ABAT: variants seen among roughly 807,000 people sequenced by gnomAD.
ABAT encodes the protein 4-aminobutyrate aminotransferase, mitochondrial.
ABAT carries 45 observed loss-of-function variants against 64.6 expected under a neutral mutation model. The ratio of observed to expected loss-of-function variants is 0.70; its 90% confidence interval spans 0.55 to 0.89. The LOEUF (loss-of-function observed/expected upper bound fraction) is 0.89, where lower values mean the gene tolerates loss of function less well. ABAT is among the 40% of genes least tolerant of loss of function. The pLI is 0.00. For missense variants in ABAT, 633 were observed against 658.4 expected (o/e 0.96, Z 0.42); for synonymous variants, 297 against 250.5 (o/e 1.19, Z -1.75).
intron 1 of ABAT, among the ~76,000 whole-genome samples, chr16:8,681,248 C>T (rs1337571206): frequency 6.6e-6 from 1 of 152,052 alleles, no homozygotes; most frequent in Non-Finnish European, 1.5e-5. Context: ...ACCTCGGCCT[C>T]CCAAAGTGCT....
intron 5 of ABAT, among the ~76,000 whole-genome samples, chr16:8,752,340 CT>C (rs1415485042): frequency 2.6e-5 from 4 of 152,168 alleles, no homozygotes; most frequent in Non-Finnish European, 5.9e-5. Flanking sequence ...GGTTCAAATC[CT>C]GGCTCTACTA....
At chr16:8,738,032 G>GAAAGAAAGACA (rs1567295886) in intron 2 of ABAT, among the ~76,000 whole-genome samples, 1 of 78,348 alleles carries the variant, frequency 1.3e-5, no homozygotes. Flanking sequence ...AAAGAAAGAA[G>GAAAGAAAGACA]GACAGACAGA....
intron 9 of ABAT, 118 bp downstream of exon 9, chr16:8,766,388 C>G (rs1000282466): frequency 1.0e-6 from 1 of 964,590 alleles, no homozygotes; most frequent in East Asian, 2.7e-5. Context: ...GGCGCGGTGG[C>G]TCATGCCTGT....
Position 8,733,008 on chromosome 16 carries a change from G to A in ABAT, c.-41-2691G>A, listed in dbSNP as rs1393812939. Among the ~76,000 whole-genome samples the A allele has an allele frequency of 2.0e-5, 3 of 149,704 alleles. 1 individual carries two copies. The South Asian group carries it at 6.2e-4, about 31-fold the overall frequency. The stretch of plus-strand genomic sequence containing the variant: ...CCCCCACCTCCCTCCCGGACGGGGC[G>A]GCTGGCCTGGCAGGGGGCTGATCCC... On this transcript the variant is annotated intron_variant, in intron 1 of 15. Coordinates refer to ENST00000268251, the MANE Select transcript of ABAT (RefSeq NM_020686.6).
chr16:8,772,717 C>T, intron 11 of ABAT, 63 bp from the exon 12 acceptor site: 2 of 1,611,350 alleles, frequency 1.2e-6, no homozygotes, highest in South Asian at 2.2e-5. Context: ...CCCCAGATTC[C>T]CACCCACGGA....
At chr16:8,768,373 C>G in intron 10 of ABAT, 117 bp downstream of exon 10, 1 of 983,682 alleles carries the variant, frequency 1.0e-6, no homozygotes, top group African/African-American at 2.9e-5. Flanking sequence ...TGCACACAAT[C>G]CCACTGCAGA....
chr16:8,771,331 A>G (rs1363180633), intron 11 of ABAT, among the ~76,000 whole-genome samples: 1 of 151,920 alleles, frequency 6.6e-6, no homozygotes, highest in East Asian at 1.9e-4. Context: ...AAAGTATCTC[A>G]GAGCTTCCTT....
chr16:8,690,088 G>A (rs528086442), intron 1 of ABAT, among the ~76,000 whole-genome samples: 1 of 152,298 alleles, frequency 6.6e-6, no homozygotes, highest in South Asian at 2.1e-4. Flanking sequence ...TGACACATCA[G>A]TTTTATTAAG....
intron 1 of ABAT, among the ~76,000 whole-genome samples, chr16:8,706,235 A>G (rs1435036038): frequency 6.8e-6 from 1 of 146,984 alleles, no homozygotes; most frequent in African/African-American, 2.5e-5. Flanking sequence ...CTCTATAAAA[A>G]AAAATATATA....
chr16:8,732,394 G>A (rs368397552), intron 1 of ABAT, among the ~76,000 whole-genome samples: 3,886 of 150,418 alleles, frequency 0.026, 113 homozygotes, highest in Admixed American at 0.064. Flanking sequence ...GTGTCCCTGG[G>A]TACTTGAGAT....
At chr16:8,698,821 C>T (rs1450417313) in intron 1 of ABAT, among the ~76,000 whole-genome samples, 1 of 152,176 alleles carries the variant, frequency 6.6e-6, no homozygotes, top group Non-Finnish European at 1.5e-5. Flanking sequence ...TGGCACACAC[C>T]TGTAATCCCA....
chr16:8,708,225 G>A (rs896624819), intron 1 of ABAT, among the ~76,000 whole-genome samples: 4 of 152,126 alleles, frequency 2.6e-5, no homozygotes, highest in Non-Finnish European at 4.4e-5. Flanking sequence ...GTCTCACGCT[G>A]GTAAGAAGTT....
At position 8,779,466 on chromosome 16, in the gene ABAT, C is replaced by T. The variant is rs1458068925; in HGVS notation, c.1270-13C>T. On this transcript the variant is annotated splice_polypyrimidine_tract_variant and intron_variant, in intron 14 of 15. Coordinates refer to ENST00000268251, the MANE Select transcript of ABAT (RefSeq NM_020686.6). ...ATGGGCTTTGACGCCAGCCTTGTCT[C>T]CTCCCACTACAGGCCCGGTACCCCC... The T allele has an allele frequency of 6.2e-7, 1 of 1,612,138 alleles. No individual in the cohort carries two copies.
intron 1 of ABAT, among the ~76,000 whole-genome samples, chr16:8,677,470 C>CCTCA (rs2141886182): frequency 6.6e-6 from 1 of 152,226 alleles, no homozygotes; most frequent in East Asian, 1.9e-4. Flanking sequence ...TGTCTCTGAA[C>CCTCA]CTCAGTTCCT....
At chr16:8,689,214 A>AATCATGATT (rs1448222373) in intron 1 of ABAT, among the ~76,000 whole-genome samples, 3 of 152,220 alleles carry the variant, frequency 2.0e-5, no homozygotes, top group African/African-American at 7.2e-5. Context: ...TATTAGGTAG[A>AATCATGATT]ATCATGATTA....
At chr16:8,711,855 G>A in intron 1 of ABAT, among the ~76,000 whole-genome samples, 1 of 152,048 alleles carries the variant, frequency 6.6e-6, no homozygotes, top group Admixed American at 6.6e-5. Flanking sequence ...TGGATGGAGA[G>A]ATGGAGGGAG....
chr16:8,690,640 C>G (rs902917491), intron 1 of ABAT, among the ~76,000 whole-genome samples: 2 of 152,196 alleles, frequency 1.3e-5, no homozygotes, highest in African/African-American at 4.8e-5. Flanking sequence ...ATCTAAGACC[C>G]TCATCTCATT....
chr16:8,691,568 T>A (rs2057582529), intron 1 of ABAT, among the ~76,000 whole-genome samples: 1 of 152,108 alleles, frequency 6.6e-6, no homozygotes, highest in Admixed American at 6.6e-5. Flanking sequence ...GCTTCCTGAG[T>A]AGCTGGAATT....
At chr16:8,728,207 G>C (rs4984996) in intron 1 of ABAT, among the ~76,000 whole-genome samples, 42,713 of 152,204 alleles carry the variant, frequency 0.28, 7,310 homozygotes, top group Admixed American at 0.43. Context: ...CCAATTGTTT[G>C]AAATATATTG....
Sources: gnomAD v4.1 joint callset for allele counts (sites outside exome capture counted in the v4.1 genomes callset) on GRCh38, gnomAD v4.1.1 for gene constraint, MANE v1.5 for transcripts, NCBI Gene and HGNC (gene_info 2026-07-23, HGNC 2026-07-21) for gene names.